RORA: variants seen among roughly 807,000 people sequenced by gnomAD.
RORA encodes nuclear receptor ROR-alpha.
A neutral mutation model predicts 69.5 loss-of-function variants in RORA; 7 were observed. That is an observed-to-expected ratio of 0.10 (90% CI 0.06 to 0.19). The LOEUF is 0.19. RORA is among the 10% of genes least tolerant of loss of function. The pLI, the probability that RORA is intolerant of heterozygous loss-of-function variation, is 1.00. For synonymous variants in RORA, 261 were observed against 240.8 expected, an observed-to-expected ratio of 1.08 and a Z score of -0.78; for missense variants, 457 against 663.0, an observed-to-expected ratio of 0.69 and a Z score of 3.41.
rs987798823 is a variant in RORA at position 60,723,386 on chromosome 15, C to A, written c.167-44700G>T. Reference sequence around the variant, plus strand: ...ATCCTATCAAAACCATTCCCCCCCCCACTCACATAAAATGGCCATGTTCTT... The same window carrying A: ...ATCCTATCAAAACCATTCCCCCCCCAACTCACATAAAATGGCCATGTTCTT... On this transcript the variant is annotated intron_variant, in intron 1 of 10. Coordinates refer to ENST00000335670, the MANE Select transcript of RORA (RefSeq NM_134261.3). Among the ~76,000 whole-genome samples the A allele has an allele frequency of 4.0e-5, 6 of 150,502 alleles. 1 individual carries two copies. Among genetic ancestry groups the A allele is most frequent in the African/African-American group, 1.2e-4 (5 of 40,902 alleles).
At chr15:60,552,465 A>C (rs1245313561) in intron 2 of RORA, among the ~76,000 whole-genome samples, 1 of 152,162 alleles carries the variant, frequency 6.6e-6, no homozygotes, top group African/African-American at 2.4e-5. Context: ...ACACATTAAG[A>C]ATAAGATGTA....
chr15:61,091,098 C>G (rs1197312841), intron 1 of RORA, among the ~76,000 whole-genome samples: 3 of 152,168 alleles, frequency 2.0e-5, no homozygotes, highest in Non-Finnish European at 2.9e-5. Context: ...TAACATCTAA[C>G]TATCTCACTC....
chr15:60,510,409 T>A (rs2065657748), intron 5 of RORA: 1 of 152,224 alleles, frequency 6.6e-6, no homozygotes, highest in Non-Finnish European at 1.5e-5. Flanking sequence ...CATTTCTAGG[T>A]CACATCTCCC....
chr15:60,976,074 G>A (rs1893864581), intron 1 of RORA, among the ~76,000 whole-genome samples: 1 of 152,202 alleles, frequency 6.6e-6, no homozygotes, highest in South Asian at 2.1e-4. Context: ...TTTGCTGGAG[G>A]TGGAGCAATT....
chr15:61,099,039 C>A (rs145064737), intron 1 of RORA, among the ~76,000 whole-genome samples: 128 of 152,288 alleles, frequency 8.4e-4, no homozygotes, highest in African/African-American at 2.9e-3. Context: ...CATCATCAGA[C>A]AGACCAAGAA....
At chr15:60,633,526 T>C (rs1157658796) in intron 2 of RORA, among the ~76,000 whole-genome samples, 2 of 152,250 alleles carry the variant, frequency 1.3e-5, no homozygotes, top group Non-Finnish European at 1.5e-5. Context: ...TGAACTTAAA[T>C]AGCCCCCTTC....
At chr15:61,194,793 C>T (rs1309085999) in intron 1 of RORA, among the ~76,000 whole-genome samples, 1 of 152,048 alleles carries the variant, frequency 6.6e-6, no homozygotes, top group East Asian at 1.9e-4. Flanking sequence ...GCCACACGGC[C>T]TGGGTTTGTA....
chr15:60,747,943 T>C (rs1356207629), intron 1 of RORA, among the ~76,000 whole-genome samples: 2 of 152,182 alleles, frequency 1.3e-5, no homozygotes, highest in Non-Finnish European at 2.9e-5. Flanking sequence ...ACCCAATGCA[T>C]AAATGTTTAA....
At chr15:60,906,015 A>T (rs149917860) in intron 1 of RORA, among the ~76,000 whole-genome samples, 20 of 152,340 alleles carry the variant, frequency 1.3e-4, no homozygotes, top group South Asian at 6.2e-4. Flanking sequence ...TCTCTCTTTT[A>T]ATGAGATCTT....
chr15:61,102,889 T>C (rs1010159977), intron 1 of RORA, among the ~76,000 whole-genome samples: 17 of 151,104 alleles, frequency 1.1e-4, no homozygotes, highest in African/African-American at 3.4e-4. Flanking sequence ...CAGAGGCTTT[T>C]CCAAGCCCCA....
At chr15:60,779,277 TG>T (rs1290278159) in intron 1 of RORA, among the ~76,000 whole-genome samples, 1 of 152,210 alleles carries the variant, frequency 6.6e-6, no homozygotes, top group African/African-American at 2.4e-5. Context: ...TCTCCCAGGT[TG>T]GCCCAACTCT....
intron 1 of RORA, among the ~76,000 whole-genome samples, chr15:60,708,111 G>A (rs1221178854): frequency 6.6e-6 from 1 of 152,132 alleles, no homozygotes; most frequent in Admixed American, 6.5e-5. Context: ...TATCTGTTAG[G>A]TCCTTTGAAC....
intron 1 of RORA, among the ~76,000 whole-genome samples, chr15:60,922,909 T>C (rs1892096106): frequency 6.6e-6 from 1 of 152,226 alleles, no homozygotes; most frequent in Non-Finnish European, 1.5e-5. Flanking sequence ...CAGATACTAT[T>C]GTCACACATA....
At position 60,900,277 on chromosome 15, in the gene RORA, A is replaced by G. The variant is rs60050969; in HGVS notation, c.167-221591T>C. ...AGAATTAAAATGTATGCTCACATACAGATTTCGGTACGCACACAAAATGAT... is the reference window on the plus strand; with the variant it reads ...AGAATTAAAATGTATGCTCACATACGGATTTCGGTACGCACACAAAATGAT... On this transcript the variant is annotated intron_variant, in intron 1 of 10. Coordinates refer to ENST00000335670, the MANE Select transcript of RORA (RefSeq NM_134261.3). Among the ~76,000 whole-genome samples, 858 of 145,344 alleles carry G rather than the reference A, an allele frequency of 5.9e-3. 11 individuals are homozygous for G. Among genetic ancestry groups the G allele is most frequent in the African/African-American group, 0.02 (813 of 39,842 alleles).
Position 61,161,495 on chromosome 15 carries a change from G to C in RORA, c.166+67558C>G, listed in dbSNP as rs530259904. Among the ~76,000 whole-genome samples, 50 of 152,236 alleles carry C rather than the reference G, an allele frequency of 3.3e-4. No homozygotes were observed. In the South Asian group the frequency reaches 0.01, roughly 31 times the overall value. On this transcript the variant is annotated intron_variant, in intron 1 of 10. Coordinates refer to ENST00000335670, the MANE Select transcript of RORA (RefSeq NM_134261.3). ...TAAGTAACATCTATCTCACAGACTG[G>C]CTGGGAGAACGTAATGAAATAATGT...
intron 1 of RORA, chr15:61,181,533 T>C (rs567840645): frequency 4.6e-5 from 7 of 152,106 alleles, no homozygotes; most frequent in South Asian, 2.1e-4. Flanking sequence ...GGGATGCTTA[T>C]GGGACGTCAA....
chr15:60,817,416 G>T (rs2072833354), intron 1 of RORA, among the ~76,000 whole-genome samples: 1 of 152,196 alleles, frequency 6.6e-6, no homozygotes, highest in South Asian at 2.1e-4. Flanking sequence ...ATCGAGGCAG[G>T]CTTGCAACAA....
intron 2 of RORA, among the ~76,000 whole-genome samples, chr15:60,564,162 C>G (rs1007657041): frequency 1.3e-5 from 2 of 152,134 alleles, no homozygotes; most frequent in Admixed American, 6.5e-5. Context: ...AAATTCAAAT[C>G]CCAGCTCACA....
chr15:60,506,781 G>C (rs2065518385), intron 5 of RORA, among the ~76,000 whole-genome samples: 1 of 152,074 alleles, frequency 6.6e-6, no homozygotes, highest in Admixed American at 6.5e-5. Flanking sequence ...GAGGTCAAGA[G>C]TTCGAGACCA....
Sources: gnomAD v4.1 joint callset for allele counts (sites outside exome capture counted in the v4.1 genomes callset) on GRCh38, gnomAD v4.1.1 for gene constraint, MANE v1.5 for transcripts, NCBI Gene and HGNC (gene_info 2026-07-23, HGNC 2026-07-21) for gene names.